Variants in BSPH1 observed in about 807,000 individuals in gnomAD.
BSPH1 encodes binder of sperm protein homolog 1.
Under a neutral mutation model 22.5 loss-of-function variants are expected in BSPH1, and 21 were observed. The ratio of observed to expected loss-of-function variants is 0.93; its 90% CI spans 0.66 to 1.35. BSPH1 has a LOEUF of 1.35. Among genes scored for constraint, BSPH1 ranks in the 40% most tolerant of loss-of-function variants. The pLI is 0.00. For missense variants in BSPH1, 141 were observed against 154.2 expected, an observed-to-expected ratio of 0.91 and a Z score of 0.45; for synonymous variants, 42 against 53.6, an observed-to-expected ratio of 0.78 and a Z score of 0.95.
chr19:47,976,922 C>A, intron 4 of BSPH1, 68 bp from the exon 5 acceptor site: 1 of 1,334,258 alleles, frequency 7.5e-7, no homozygotes, highest in South Asian at 1.3e-5. Context: ...TCCACCACAC[C>A]ATGCACACAC....
At chr19:47,976,533 C>T (rs1023969273) in intron 5 of BSPH1, among the ~76,000 whole-genome samples, 177 bp downstream of exon 5, 3 of 130,242 alleles carry the variant, frequency 2.3e-5, no homozygotes, top group African/African-American at 8.5e-5. Flanking sequence ...AATCCTGAAT[C>T]GAAAACCTCT....
chr19:47,981,807 T>G (rs2042909), intron 1 of BSPH1: 1 of 881,394 alleles, frequency 1.1e-6, no homozygotes, highest in Non-Finnish European at 1.4e-6. Context: ...TTTTCAACCA[T>G]TGTTCCTTCA....
chr19:47,974,794 G>T (rs1305162752), intron 5 of BSPH1, among the ~76,000 whole-genome samples: 5 of 25,842 alleles, frequency 1.9e-4, no homozygotes, highest in African/African-American at 6.7e-4. Flanking sequence ...CAATTTGAGC[G>T]TGCAGTAAGC....
rs1486135950 is a variant in BSPH1 at position 47,992,010 on chromosome 19, T to G, written c.72A>C (p.Leu24Phe). ...GAAGAAATATAGAAAAAGAAATACT[T>G]AAAATAACAGGGAAGATGCAAGCTG... ...NSSACIFPVI[L>F]NELSSTVETI... The change falls in exon 1 of 6, where the codon TTA (leucine) becomes TTC (phenylalanine). Residue 24 changes from leucine (L) to phenylalanine (F), a missense_variant and splice_region_variant. Coordinates refer to ENST00000344839, the MANE Select transcript of BSPH1 (RefSeq NM_001128326.2). 3 of 1,543,082 alleles carry G rather than the reference T, an allele frequency of 1.9e-6. No individual in the cohort carries two copies. In the Admixed American group the frequency reaches 5.9e-5, roughly 30 times the overall value.
At chr19:47,987,354 A>G (rs1969480680) in intron 1 of BSPH1, among the ~76,000 whole-genome samples, 1 of 151,438 alleles carries the variant, frequency 6.6e-6, no homozygotes, top group East Asian at 1.9e-4. Flanking sequence ...TTCTTTGTGT[A>G]AGAACACGTA....
intron 1 of BSPH1, among the ~76,000 whole-genome samples, chr19:47,986,400 G>A (rs1969471253): frequency 1.3e-5 from 2 of 152,136 alleles, no homozygotes; most frequent in Admixed American, 1.3e-4. Context: ...CCAGACAGGA[G>A]AGCCGCGTGG....
intron 5 of BSPH1, among the ~76,000 whole-genome samples, chr19:47,974,722 T>C (rs1252415172): frequency 6.6e-6 from 1 of 152,132 alleles, no homozygotes; most frequent in Non-Finnish European, 1.5e-5. Context: ...TGTTTAGGTA[T>C]TGCTCTTACT....
intron 5 of BSPH1, among the ~76,000 whole-genome samples, chr19:47,971,047 C>T (rs1356551561): frequency 1.3e-5 from 2 of 152,044 alleles, no homozygotes; most frequent in African/African-American, 2.4e-5. Flanking sequence ...GGTGGTGGCA[C>T]CAATGGATTC....
intron 1 of BSPH1, chr19:47,981,776 T>C (rs1036198620): frequency 3.1e-6 from 3 of 971,682 alleles, no homozygotes; most frequent in Admixed American, 6.2e-5. Flanking sequence ...GCTTTACTTT[T>C]TTTTTTTCTT....
chr19:47,969,821 TGA>T (rs984165322), intron 5 of BSPH1, among the ~76,000 whole-genome samples: 2 of 151,378 alleles, frequency 1.3e-5, no homozygotes, highest in African/African-American at 4.9e-5. Context: ...TGTGTGTGTG[TGA>T]GAGAGAGACT....
chr19:47,973,220 AT>A (rs374324069), intron 5 of BSPH1, among the ~76,000 whole-genome samples: 16,029 of 89,942 alleles, frequency 0.18, 1,130 homozygotes, highest in South Asian at 0.32. Context: ...CCGTCTCAAA[AT>A]AATAATAATA....
At chr19:47,983,226 GA>G (rs1241281651) in intron 1 of BSPH1, among the ~76,000 whole-genome samples, 9 of 152,314 alleles carry the variant, frequency 5.9e-5, no homozygotes, top group African/African-American at 2.2e-4. Flanking sequence ...GGGAGTGGCT[GA>G]AATGGTAGAC....
At chr19:47,982,306 A>AT (rs1165757019) in intron 1 of BSPH1, among the ~76,000 whole-genome samples, 2 of 152,180 alleles carry the variant, frequency 1.3e-5, no homozygotes, top group African/African-American at 4.8e-5. Context: ...CAATGACTTA[A>AT]TTTTTTATTT....
At chr19:47,985,336 A>C (rs1308186133) in intron 1 of BSPH1, among the ~76,000 whole-genome samples, 2 of 152,182 alleles carry the variant, frequency 1.3e-5, no homozygotes, top group Non-Finnish European at 2.9e-5. Context: ...TGAAGATAAG[A>C]ATGAAGCATT....
At chr19:47,976,653 G>A in intron 5 of BSPH1, 57 bp downstream of exon 5, 1 of 1,420,486 alleles carries the variant, frequency 7.0e-7, no homozygotes, top group Non-Finnish European at 9.6e-7. Flanking sequence ...AAAACTCTAG[G>A]TTCTTTCCAA....
Position 47,976,601 on chromosome 19 carries a change from A to AAC in BSPH1, c.*2+108_*2+109insGT, listed in dbSNP as rs1395932097. 5 of 808,670 alleles carry AAC rather than the reference A, an allele frequency of 6.2e-6. No homozygotes were observed. In the African/African-American group the frequency reaches 8.9e-5, roughly 14 times the overall value. 50.1% of individuals were successfully genotyped at this position (808,670 alleles called of 1,614,324 possible). A position where few individuals can be genotyped will look rare whatever the true frequency, so the allele number is the denominator to read the frequency against. On this transcript the variant is annotated intron_variant, in intron 5 of 5. Coordinates refer to ENST00000344839, the MANE Select transcript of BSPH1 (RefSeq NM_001128326.2). ...ATCCCAGAAAAAAAAAAAAAACAAA[A>AAC]AAAAACCCTCTCTAATGAGAAAGGG...
chr19:47,973,212 G>A lies in BSPH1; in HGVS notation c.*2+3498C>T, dbSNP rs62131763. On this transcript the variant is annotated intron_variant, in intron 5 of 5. Transcript: ENST00000344839. ...AGCCTGGGTGTCAGAGCGAGACTCC[G>A]TCTCAAAATAATAATAATAATAATA... is the stretch of plus-strand genomic sequence containing the variant. Among the ~76,000 whole-genome samples, 258 of 125,082 alleles carry A rather than the reference G, an allele frequency of 2.1e-3. 1 individual carries two copies. Among genetic ancestry groups the A allele is most frequent in the African/African-American group, 7.0e-3 (236 of 33,890 alleles). 82.1% of individuals were successfully genotyped at this position (125,082 alleles called of 152,430 possible). A position where few individuals can be genotyped will look rare whatever the true frequency, so the allele number is the denominator to read the frequency against.
intron 5 of BSPH1, among the ~76,000 whole-genome samples, chr19:47,974,461 G>A (rs879718123): frequency 2.0e-5 from 3 of 151,738 alleles, no homozygotes; most frequent in Non-Finnish European, 4.4e-5. Flanking sequence ...GTAGAGACAG[G>A]GTTTCGCCGT....
At chr19:47,977,952 A>T (rs2122246898) in intron 3 of BSPH1, among the ~76,000 whole-genome samples, 1 of 144,782 alleles carries the variant, frequency 6.9e-6, no homozygotes, top group South Asian at 2.2e-4. Flanking sequence ...TTATATATAT[A>T]CTTATATATG....
Sources: gnomAD v4.1 joint callset for allele counts (sites outside exome capture counted in the v4.1 genomes callset) on GRCh38, gnomAD v4.1.1 for gene constraint, MANE v1.5 for transcripts, NCBI Gene and HGNC (gene_info 2026-07-23, HGNC 2026-07-21) for gene names.